BANP: variants seen among roughly 807,000 people sequenced by gnomAD.
BANP encodes BTG3 associated nuclear protein, also known as protein BANP.
In BANP, 11 loss-of-function variants were observed where a neutral mutation model predicts 68.1. That is an observed-to-expected ratio of 0.16 (90% confidence interval 0.10 to 0.27). BANP has a LOEUF of 0.27. Among genes scored for constraint, BANP ranks in the 10% least tolerant of loss-of-function variants. BANP has a pLI of 1.00. For synonymous variants in BANP, 329 were observed against 303.2 expected (o/e 1.09, Z -0.88); for missense variants, 504 against 722.7 (o/e 0.70, Z 3.47).
chr16:87,955,910 T>G lies in BANP; in HGVS notation c.-69+4395T>G, dbSNP rs563541656. The stretch of plus-strand genomic sequence containing the variant: ...ACAGTCCTGGCCAGTGCGTCTCAAG[T>G]GTCCAGGTCTTGAAAGACAGGGAGG... On this transcript the variant is annotated intron_variant, in intron 1 of 13. Coordinates refer to ENST00000682872, the MANE Select transcript of BANP (RefSeq NM_001386991.1). Among the ~76,000 whole-genome samples, 6 of 152,256 alleles carry G rather than the reference T, an allele frequency of 3.9e-5. No homozygotes were observed. In the South Asian group the frequency reaches 1.2e-3, roughly 32 times the overall value.
upstream of BANP, among the ~76,000 whole-genome samples, chr16:87,950,034 C>T (rs1416159597): frequency 1.3e-5 from 2 of 152,128 alleles, no homozygotes; most frequent in East Asian, 1.9e-4. Flanking sequence ...CCTGCCACCG[C>T]GCCGGGCTAA....
In BANP at chr16:88,071,793, T is replaced by C. The variant is rs1342833393; in HGVS notation, c.1378-276T>C. 1.5e-6 allele frequency: 1 copy of C among 667,482 alleles called. No individual in the cohort carries two copies. Among genetic ancestry groups the C allele is most frequent in the Non-Finnish European group, 2.8e-6 (1 of 362,376 alleles). 41.3% of individuals were successfully genotyped at this position (667,482 alleles called of 1,614,324 possible). A position where few individuals can be genotyped will look rare whatever the true frequency, so the allele number is the denominator to read the frequency against. The stretch of plus-strand genomic sequence containing the variant: ...TCTGTGGAAGCTCTGCCTTGCTTTT[T>C]TTTTTTTCCCTTTTTTCTGCTCTGT... On this transcript the variant is annotated intron_variant, in intron 12 of 13. Transcript: ENST00000682872. The surrounding 1 kb of genome is among the most constrained non-coding windows in gnomAD (Gnocchi z 6.5).
intron 7 of BANP, among the ~76,000 whole-genome samples, chr16:88,024,561 C>G (rs950086426): frequency 9.9e-5 from 15 of 152,264 alleles, no homozygotes; most frequent in African/African-American, 3.6e-4. Context: ...GCCCTGAGGG[C>G]TGCCCAGACG....
intron 13 of BANP, among the ~76,000 whole-genome samples, chr16:88,072,655 C>T (rs1446113309): frequency 6.6e-6 from 1 of 152,258 alleles, no homozygotes; most frequent in Non-Finnish European, 1.5e-5. Context: ...GGCTGCTGTG[C>T]TCTGTGGATG....
intron 3 of BANP, among the ~76,000 whole-genome samples, chr16:87,981,725 C>G (rs1418481465): frequency 3.3e-5 from 5 of 152,224 alleles, no homozygotes; most frequent in Admixed American, 3.3e-4. Context: ...TCCCACACAC[C>G]TGCAGGCCCA....
At chr16:88,031,958 C>T (rs1039468039) in intron 8 of BANP, among the ~76,000 whole-genome samples, 1 of 151,948 alleles carries the variant, frequency 6.6e-6, no homozygotes, top group African/African-American at 2.4e-5. Context: ...ACGCGTGCCA[C>T]CACACCTGGC....
At chr16:88,034,707 C>T (rs747843041) in intron 9 of BANP, among the ~76,000 whole-genome samples, 1 of 152,200 alleles carries the variant, frequency 6.6e-6, no homozygotes, top group Admixed American at 6.5e-5. Context: ...GTGTCATGCA[C>T]ATTTTAAAAT....
At position 88,039,370 on chromosome 16, in the gene BANP, C is replaced by G. The variant is rs2080197834; in HGVS notation, c.1311+1359C>G. On this transcript the variant is annotated intron_variant, in intron 11 of 13. Transcript: ENST00000682872. Reference sequence around the variant, plus strand: ...TTCTCCGCGCCTTTGTCCCGTGGTTCTCACGGTCACGGGGGCAGCAGAGGA... The same window carrying G: ...TTCTCCGCGCCTTTGTCCCGTGGTTGTCACGGTCACGGGGGCAGCAGAGGA... 1.4e-5 allele frequency among the ~76,000 whole-genome samples: 2 copies of G among 143,266 alleles called. 1 individual carries two copies. Among genetic ancestry groups the G allele is most frequent in the Non-Finnish European group, 3.2e-5 (2 of 63,156 alleles). The allele number at this position is 143,266 out of a possible 152,430, so 94.0% of individuals were successfully genotyped here. A position where few individuals can be genotyped will look rare whatever the true frequency, so the allele number is the denominator to read the frequency against.
chr16:88,071,270 A>C lies in BANP; in HGVS notation c.1378-799A>C, dbSNP rs2090237665. On this transcript the variant is annotated intron_variant, in intron 12 of 13. Coordinates refer to ENST00000682872, the MANE Select transcript of BANP (RefSeq NM_001386991.1). The surrounding 1 kb of genome is among the most constrained non-coding windows in gnomAD (Gnocchi z 6.5). The stretch of plus-strand genomic sequence containing the variant: ...AGTGAAGACCCCGTGGCTCATGTCA[A>C]GTGCCCTCAGGGCTGGGGCTGCCCA... 1 of 360,198 alleles carries C rather than the reference A, an allele frequency of 2.8e-6. No homozygotes were observed. The highest frequency in any genetic ancestry group is 5.5e-6 in the Non-Finnish European group (1 of 182,878). The allele number at this position is 360,198 out of a possible 1,614,324, so 22.3% of individuals were successfully genotyped here. A position where few individuals can be genotyped will look rare whatever the true frequency, so the allele number is the denominator to read the frequency against.
chr16:88,027,780 G>A (rs145769078), intron 8 of BANP, 130 bp downstream of exon 8: 17,624 of 1,140,172 alleles, frequency 0.015, 186 homozygotes, highest in South Asian at 0.026. Flanking sequence ...AGAGGCTTGC[G>A]CGGTGCGCAC....
intron 10 of BANP, among the ~76,000 whole-genome samples, chr16:88,035,942 C>T (rs965236248): frequency 5.9e-5 from 9 of 152,360 alleles, no homozygotes; most frequent in African/African-American, 1.4e-4. Context: ...GAGCTCTACC[C>T]GGCCACGCAC....
At chr16:88,039,756 G>A (rs867943661) in intron 11 of BANP, among the ~76,000 whole-genome samples, 1 of 142,890 alleles carries the variant, frequency 7.0e-6, no homozygotes, top group African/African-American at 2.4e-5. Flanking sequence ...GGCTGACGTC[G>A]GAGGAGTTGC....
intron 11 of BANP, among the ~76,000 whole-genome samples, chr16:88,063,551 C>T (rs1231550549): frequency 1.3e-5 from 2 of 152,236 alleles, no homozygotes; most frequent in Non-Finnish European, 2.9e-5. Context: ...ATCTCGCCTT[C>T]TGTGCACAAG....
At chr16:88,020,283 C>T (rs182834000) in intron 7 of BANP, among the ~76,000 whole-genome samples, 39 of 152,344 alleles carry the variant, frequency 2.6e-4, no homozygotes, top group African/African-American at 8.7e-4. Flanking sequence ...TGGATGTGCT[C>T]CAACAGGACA....
intron 1 of BANP, among the ~76,000 whole-genome samples, chr16:87,961,414 C>CCCCCT (rs946756028): frequency 7.0e-6 from 1 of 142,380 alleles, no homozygotes; most frequent in Non-Finnish European, 1.6e-5. Flanking sequence ...TCTGCACCCC[C>CCCCCT]CCGGGCCTCC....
chr16:88,000,215 G>T (rs1331190756), intron 4 of BANP, among the ~76,000 whole-genome samples: 1 of 30,594 alleles, frequency 3.3e-5, no homozygotes, highest in African/African-American at 1.6e-4. Flanking sequence ...AGGCCTTCCA[G>T]ACACGTCTCC....
intron 1 of BANP, among the ~76,000 whole-genome samples, chr16:87,967,368 G>C (rs987591323): frequency 2.7e-5 from 4 of 147,896 alleles, no homozygotes; most frequent in East Asian, 2.0e-4. Flanking sequence ...TTCTCCTCCC[G>C]AAGTGCTGGG....
rs74040289 is a variant in BANP, at chr16:88,057,240, C to T, written c.1312-8027C>T. ...GCTTCGAAGTGGGGTACGGGCCAGC[C>T]GCCAAGAGCTCACCCAGCGCGCCTG... On this transcript the variant is annotated intron_variant, in intron 11 of 13. Coordinates refer to ENST00000682872, the MANE Select transcript of BANP (RefSeq NM_001386991.1). This position sits in a 1 kb window ranked among gnomAD's most constrained non-coding sequence, Gnocchi z 4.6. Among the ~76,000 whole-genome samples, 1,955 of 152,276 alleles carry T rather than the reference C, an allele frequency of 0.013. 41 individuals are homozygous for T. The highest frequency in any genetic ancestry group is 0.045 in the African/African-American group (1,860 of 41,552).
chr16:87,969,156 G>A (rs998505414), intron 1 of BANP, among the ~76,000 whole-genome samples: 4 of 152,166 alleles, frequency 2.6e-5, no homozygotes, highest in Admixed American at 6.5e-5. Context: ...CTGAAGCTGC[G>A]TGGTATATTC....
Sources: gnomAD v4.1 joint callset for allele counts (sites outside exome capture counted in the v4.1 genomes callset) on GRCh38, gnomAD v4.1.1 for gene constraint, Gnocchi (gnomAD v3.1) non-coding constraint, MANE v1.5 for transcripts, NCBI Gene and HGNC (gene_info 2026-07-23, HGNC 2026-07-21) for gene names.